Variants in HPS1 observed in about 807,000 individuals in gnomAD.
HPS1 encodes the protein HPS1 biogenesis of lysosomal organelles complex 3 subunit 1, also known as BLOC-3 complex member HPS1.
Under a neutral mutation model 90.6 loss-of-function variants are expected in HPS1, and 59 were observed. The observed-to-expected ratio is 0.65, with a 90% CI of 0.53 to 0.81. The LOEUF (loss-of-function observed/expected upper bound fraction) is 0.81. Ranked by LOEUF, HPS1 falls within the 30% of genes least tolerant of loss-of-function variation. The pLI, the probability that HPS1 is intolerant of heterozygous loss-of-function variation, is 0.00. For synonymous variants in HPS1, 388 were observed against 384.4 expected (o/e 1.01, Z -0.11); for missense variants, 849 against 896.7 (o/e 0.95, Z 0.68).
chr10:98,435,111 C>T lies in HPS1; in HGVS notation c.398+161G>A. On this transcript the variant is annotated intron_variant, in intron 5 of 19. Coordinates refer to ENST00000361490, the MANE Select transcript of HPS1 (RefSeq NM_000195.5). This position sits in a 1 kb window ranked among gnomAD's most constrained non-coding sequence, Gnocchi z 4.3. ...CCAGATATAAAGTCAGAGGGTCAGA[C>T]CAGATGGTCTCCAAGGTTCACTTGA... 1.3e-6 allele frequency: 1 copy of T among 767,534 alleles called. No individual in the cohort carries two copies. Among genetic ancestry groups the T allele is most frequent in the Non-Finnish European group, 2.2e-6 (1 of 453,844 alleles). 47.5% of individuals were successfully genotyped at this position (767,534 alleles called of 1,614,324 possible).
At chr10:98,426,866 CT>C (rs1564840788) in intron 11 of HPS1, among the ~76,000 whole-genome samples, 1 of 151,900 alleles carries the variant, frequency 6.6e-6, no homozygotes, top group African/African-American at 2.4e-5. Flanking sequence ...TTTTTATTCC[CT>C]TTTTTATAGT....
At chr10:98,430,881 G>A (rs1359948257) in intron 7 of HPS1, among the ~76,000 whole-genome samples, 1 of 152,252 alleles carries the variant, frequency 6.6e-6, no homozygotes, top group Non-Finnish European at 1.5e-5. Flanking sequence ...TTAGCAGTGG[G>A]AAAGCACCAG....
In HPS1 at chr10:98,425,729, A is replaced by G. The variant is rs1845517157; in HGVS notation, c.1156-9T>C. 1 of 1,606,732 alleles carries G rather than the reference A, an allele frequency of 6.2e-7. No individual in the cohort carries two copies. Among genetic ancestry groups the G allele is most frequent in the Non-Finnish European group, 8.5e-7 (1 of 1,175,436 alleles). On this transcript the variant is annotated splice_polypyrimidine_tract_variant and intron_variant, in intron 12 of 19. Coordinates refer to ENST00000361490, the MANE Select transcript of HPS1 (RefSeq NM_000195.5). ...AGGGGCGCGCTGGGGCTCTGAGGGT[A>G]AGGGCCGAGAGGCGGGTGAACGGGG...
At position 98,427,181 on chromosome 10, in the gene HPS1, A is replaced by C. The variant is rs755387770; in HGVS notation, c.987+34T>G. On this transcript the variant is annotated intron_variant, in intron 11 of 19. Coordinates refer to ENST00000361490, the MANE Select transcript of HPS1 (RefSeq NM_000195.5). Reference sequence around the variant, plus strand: ...AATACTCACTGCGGCATCTCAGATCAGCTGGCGCCCAGGCAGGCACAGGAG... The same window carrying C: ...AATACTCACTGCGGCATCTCAGATCCGCTGGCGCCCAGGCAGGCACAGGAG... The C allele has an allele frequency of 5.2e-6, 8 of 1,537,700 alleles. No homozygotes were observed. The South Asian group carries it at 7.2e-5, about 14-fold the overall frequency.
chr10:98,424,762 G>T (rs552178250), intron 13 of HPS1, among the ~76,000 whole-genome samples: 1 of 152,016 alleles, frequency 6.6e-6, no homozygotes, highest in Non-Finnish European at 1.5e-5. Flanking sequence ...TAGCCATGCA[G>T]GGGGCGGCCT....
intron 2 of HPS1, among the ~76,000 whole-genome samples, chr10:98,444,648 C>G (rs1939142868): frequency 6.6e-6 from 1 of 152,232 alleles, no homozygotes; most frequent in Admixed American, 6.5e-5. Context: ...GTTCCGTCAT[C>G]CCCATGTCCA....
At chr10:98,429,548 C>T (rs1846082491) in intron 10 of HPS1, 25 bp downstream of exon 10, 2 of 1,614,066 alleles carry the variant, frequency 1.2e-6, no homozygotes, top group Non-Finnish European at 1.7e-6. Flanking sequence ...GCTATTGTTT[C>T]CTCCTGCTTT....
At chr10:98,415,243 G>A (rs867418095), downstream of HPS1, 126 of 1,384,870 alleles carry the variant, frequency 9.1e-5, no homozygotes, top group Middle Eastern at 3.3e-3. Context: ...AGGAGGAGCT[G>A]CAGTCCCCCT....
downstream of HPS1, chr10:98,414,206 C>A (rs1373791908): frequency 6.6e-6 from 1 of 152,068 alleles, no homozygotes; most frequent in African/African-American, 2.4e-5. Context: ...TGAAGGCATG[C>A]CCTCAAAGCT....
intron 11 of HPS1, 110 bp from the exon 12 acceptor site, chr10:98,426,095 T>A: frequency 9.9e-7 from 1 of 1,009,518 alleles, no homozygotes; most frequent in Non-Finnish European, 1.5e-6. Context: ...TCCAAGAAAC[T>A]CCAGTTTTTA....
Position 98,435,891 on chromosome 10 carries a change from T to C in HPS1, c.118-119A>G. 7.7e-7 allele frequency: 1 copy of C among 1,297,888 alleles called. No individual in the cohort carries two copies. The highest frequency in any genetic ancestry group is 2.3e-4 in the Middle Eastern group (1 of 4,368). 80.4% of individuals were successfully genotyped at this position (1,297,888 alleles called of 1,614,324 possible). On this transcript the variant is annotated intron_variant, in intron 3 of 19. Transcript: ENST00000361490. The surrounding 1 kb of genome is among the most constrained non-coding windows in gnomAD (Gnocchi z 4.3). ...ATAGTGTTAGACCCTCCTGGGAGGG[T>C]ATCACTGTCCTGGTAGGGAGGGGAG...
At chr10:98,432,325 C>T (rs1418080523) in intron 6 of HPS1, among the ~76,000 whole-genome samples, 1 of 152,176 alleles carries the variant, frequency 6.6e-6, no homozygotes, top group Admixed American at 6.5e-5. Flanking sequence ...TAATATGGCA[C>T]CAGGATTCTT....
At chr10:98,420,377 T>A in intron 17 of HPS1, 1 of 530,204 alleles carries the variant, frequency 1.9e-6, no homozygotes, top group Admixed American at 3.0e-5. Flanking sequence ...GCAAAATATA[T>A]GTAAAAAAGC....
Position 98,429,657 on chromosome 10 carries a change from G to A in HPS1, c.868-15C>T. On this transcript the variant is annotated splice_polypyrimidine_tract_variant and intron_variant, in intron 9 of 19. Coordinates refer to ENST00000361490, the MANE Select transcript of HPS1 (RefSeq NM_000195.5). ...CTGTCTGTCTCCTGGAATGGAGAAG[G>A]TGGCTCAGGTTGAGAGGCTCTCCCA... The A allele has an allele frequency of 1.2e-6, 2 of 1,614,172 alleles. No individual in the cohort carries two copies. The highest frequency in any genetic ancestry group is 1.7e-5 in the Admixed American group (1 of 60,026).
In HPS1 at chr10:98,417,553, G is replaced by A. The variant is rs774662514; in HGVS notation, c.*11C>T. On this transcript the variant is annotated 3_prime_UTR_variant, in exon 20 of 20. Transcript: ENST00000361490. The surrounding 1 kb of genome is among the most constrained non-coding windows in gnomAD (Gnocchi z 4.2). ...GGACAGGATGCAAAGGCAGACTGCG[G>A]CCACCTTGGCCTAGAGCAGGGGGAT... 1.1e-5 allele frequency: 18 copies of A among 1,606,278 alleles called. No individual in the cohort carries two copies. The highest frequency in any genetic ancestry group is 4.2e-4 in the Middle Eastern group (2 of 4,742).
chr10:98,427,583 C>G (rs148272886), intron 10 of HPS1, among the ~76,000 whole-genome samples: 2 of 152,270 alleles, frequency 1.3e-5, no homozygotes, highest in South Asian at 2.1e-4. Context: ...TTCCTCCCCC[C>G]TCCCTTGCCC....
chr10:98,418,122 C>A, intron 19 of HPS1, 53 bp downstream of exon 19: 1 of 1,238,808 alleles, frequency 8.1e-7, no homozygotes, highest in East Asian at 2.3e-5. Flanking sequence ...GAGGCGAGCA[C>A]TTATCACCCA....
Position 98,429,847 on chromosome 10 carries a change from G to GC in HPS1, c.810dup (p.Gln271AlafsTer28). ...GTGGAGTGAGGGCTCCAGGCCTGCTGCACGGGGATGTTCTGGCTGCTCCGG... is the reference window on the plus strand; with the variant it reads ...GTGGAGTGAGGGCTCCAGGCCTGCTGCCACGGGGATGTTCTGGCTGCTCCGG... On this transcript the variant is annotated frameshift_variant, in exon 9 of 20. Transcript: ENST00000361490. LOFTEE classifies it high-confidence loss of function. 1 of 1,613,496 alleles carries GC rather than the reference G, an allele frequency of 6.2e-7. No individual in the cohort carries two copies.
chr10:98,444,435 G>A (rs1046081490), intron 2 of HPS1, among the ~76,000 whole-genome samples: 1 of 152,198 alleles, frequency 6.6e-6, no homozygotes, highest in South Asian at 2.1e-4. Flanking sequence ...AGGCTGGTGA[G>A]GACAGTGCTC....
Sources: gnomAD v4.1 joint callset for allele counts (sites outside exome capture counted in the v4.1 genomes callset) on GRCh38, gnomAD v4.1.1 for gene constraint, Gnocchi (gnomAD v3.1) non-coding constraint, MANE v1.5 for transcripts, NCBI Gene and HGNC (gene_info 2026-07-23, HGNC 2026-07-21) for gene names.